Variants in ZFPM2 observed in about 807,000 individuals in gnomAD.
The protein encoded by ZFPM2 is zinc finger protein ZFPM2.
ZFPM2 carries 20 observed loss-of-function variants against 98.6 expected under a neutral mutation model. The observed-to-expected ratio is 0.20, with a 90% CI of 0.14 to 0.29. The LOEUF is 0.29. ZFPM2 is among the 10% of genes least tolerant of loss of function. The probability of loss-of-function intolerance (pLI) is 1.00; values close to 1 mark genes in which losing one functional copy is unlikely to be tolerated. For missense variants in ZFPM2, 1,310 were observed against 1,388.6 expected (o/e 0.94, Z 0.90); for synonymous variants, 518 against 502.7 (o/e 1.03, Z -0.41).
chr8:105,747,027 C>A (rs1372426390), intron 5 of ZFPM2, among the ~76,000 whole-genome samples: 1 of 151,886 alleles, frequency 6.6e-6, no homozygotes, highest in Admixed American at 6.6e-5. Flanking sequence ...CTTCAAATAG[C>A]AATTAAGTAT....
At chr8:105,604,570 G>A (rs180744928) in intron 4 of ZFPM2, among the ~76,000 whole-genome samples, 1 of 152,072 alleles carries the variant, frequency 6.6e-6, no homozygotes. Context: ...GCCAATCTCT[G>A]CCTTGCTGAC....
At chr8:105,359,160 G>A (rs920504812) in intron 1 of ZFPM2, among the ~76,000 whole-genome samples, 2 of 151,946 alleles carry the variant, frequency 1.3e-5, no homozygotes, top group Non-Finnish European at 2.9e-5. Flanking sequence ...TGAACCTGAT[G>A]GTTTGATAGA....
At chr8:105,724,331 C>G (rs1811754305) in intron 5 of ZFPM2, among the ~76,000 whole-genome samples, 1 of 151,850 alleles carries the variant, frequency 6.6e-6, no homozygotes, top group Non-Finnish European at 1.5e-5. Context: ...AGACCCTGAT[C>G]TATGATATAT....
At chr8:105,710,154 G>T (rs1811349458) in intron 5 of ZFPM2, among the ~76,000 whole-genome samples, 1 of 150,366 alleles carries the variant, frequency 6.7e-6, no homozygotes, top group Admixed American at 6.6e-5. Flanking sequence ...CTTTACGTTT[G>T]TGAAGTAATT....
intron 5 of ZFPM2, among the ~76,000 whole-genome samples, chr8:105,718,861 T>C (rs1352470716): frequency 1.3e-5 from 2 of 151,874 alleles, no homozygotes; most frequent in Non-Finnish European, 2.9e-5. Flanking sequence ...CTTTCACATA[T>C]ATTTTCTTAT....
chr8:105,525,914 TAAATAATAC>T (rs980986527), intron 3 of ZFPM2, among the ~76,000 whole-genome samples: 4 of 152,174 alleles, frequency 2.6e-5, no homozygotes, highest in African/African-American at 9.7e-5. Context: ...CAATGGTATT[TAAATAATAC>T]ATGGACATAT....
chr8:105,341,331 G>A (rs1812427374), intron 1 of ZFPM2, among the ~76,000 whole-genome samples: 1 of 151,810 alleles, frequency 6.6e-6, no homozygotes, highest in Non-Finnish European at 1.5e-5. Context: ...CAATTGCACT[G>A]ACAATGACAT....
At chr8:105,430,418 T>A (rs1811997043) in intron 2 of ZFPM2, among the ~76,000 whole-genome samples, 1 of 152,000 alleles carries the variant, frequency 6.6e-6, no homozygotes, top group Non-Finnish European at 1.5e-5. Context: ...ACAAAAAGAG[T>A]TTGTGTTTAT....
chr8:105,774,077 A>C (rs1281050666), intron 5 of ZFPM2, among the ~76,000 whole-genome samples: 3 of 152,166 alleles, frequency 2.0e-5, no homozygotes, highest in Admixed American at 2.0e-4. Flanking sequence ...CTGAAATTCA[A>C]GGAACATAGT....
At chr8:105,577,447 C>T (rs1216880749) in intron 4 of ZFPM2, among the ~76,000 whole-genome samples, 1 of 126,244 alleles carries the variant, frequency 7.9e-6, no homozygotes, top group East Asian at 2.2e-4. Flanking sequence ...TTAACTTACA[C>T]AAATAAAATA....
At chr8:105,772,992 A>G (rs1380819540) in intron 5 of ZFPM2, among the ~76,000 whole-genome samples, 1 of 152,182 alleles carries the variant, frequency 6.6e-6, no homozygotes, top group African/African-American at 2.4e-5. Flanking sequence ...ATTACGACGA[A>G]GTTGTTTAGT....
At chr8:105,742,409 G>C (rs1406810316) in intron 5 of ZFPM2, among the ~76,000 whole-genome samples, 2 of 148,700 alleles carry the variant, frequency 1.3e-5, no homozygotes, top group East Asian at 4.0e-4. Context: ...AGGTGTTGGA[G>C]TAAAAGTTCT....
chr8:105,464,264 A>G (rs1264677532), intron 3 of ZFPM2, among the ~76,000 whole-genome samples: 2 of 152,124 alleles, frequency 1.3e-5, no homozygotes, highest in Non-Finnish European at 2.9e-5. Context: ...TCAAAAAACC[A>G]CATTTGATGC....
intron 4 of ZFPM2, among the ~76,000 whole-genome samples, chr8:105,631,707 G>A (rs1816758321): frequency 6.6e-6 from 1 of 152,096 alleles, no homozygotes; most frequent in Non-Finnish European, 1.5e-5. Flanking sequence ...CACCAAAAAA[G>A]ACATACTTAT....
intron 5 of ZFPM2, among the ~76,000 whole-genome samples, chr8:105,643,850 C>G (rs1816990369): frequency 6.6e-6 from 1 of 152,180 alleles, no homozygotes; most frequent in South Asian, 2.1e-4. Flanking sequence ...CTCCAAGGAT[C>G]ACAATTGGAC....
intron 3 of ZFPM2, among the ~76,000 whole-genome samples, chr8:105,487,102 G>C (rs1230689294): frequency 3.9e-5 from 6 of 152,022 alleles, no homozygotes; most frequent in Non-Finnish European, 8.8e-5. Context: ...AAGCTTATAT[G>C]TAGTGTGTTA....
At chr8:105,441,481 A>G (rs1422825636) in intron 2 of ZFPM2, among the ~76,000 whole-genome samples, 28 of 103,706 alleles carry the variant, frequency 2.7e-4, no homozygotes, top group Admixed American at 9.9e-4. Context: ...AAAGAAAGAA[A>G]GAAAGAAAGA....
chr8:105,363,845 A>C (rs1473702749), intron 1 of ZFPM2, among the ~76,000 whole-genome samples: 3 of 152,172 alleles, frequency 2.0e-5, no homozygotes, highest in Non-Finnish European at 4.4e-5. Flanking sequence ...ATAGGAAGAA[A>C]GATCTATTGT....
chr8:105,770,621 G>A (rs1812958412), intron 5 of ZFPM2, among the ~76,000 whole-genome samples: 1 of 151,966 alleles, frequency 6.6e-6, no homozygotes, highest in Non-Finnish European at 1.5e-5. Context: ...CAACCTTAGA[G>A]GGCACATTAT....
Sources: gnomAD v4.1 joint callset for allele counts (sites outside exome capture counted in the v4.1 genomes callset) on GRCh38, gnomAD v4.1.1 for gene constraint, MANE v1.5 for transcripts, NCBI Gene and HGNC (gene_info 2026-07-23, HGNC 2026-07-21) for gene names.